Variants in TAX1BP1 observed in about 807,000 individuals in gnomAD.
TAX1BP1 encodes the protein tax1-binding protein 1.
TAX1BP1 carries 62 observed loss-of-function variants against 97.7 expected under a neutral mutation model. The observed-to-expected ratio is 0.63, with a 90% CI of 0.52 to 0.78. The LOEUF (loss-of-function observed/expected upper bound fraction) is 0.78, where lower values mean the gene tolerates loss of function less well. TAX1BP1 is among the 30% of genes least tolerant of loss of function. The probability of loss-of-function intolerance (pLI) is 0.00; values close to 1 mark genes in which losing one functional copy is unlikely to be tolerated. For missense variants in TAX1BP1, 867 were observed against 916.1 expected (o/e 0.95, Z 0.69); for synonymous variants, 340 against 304.2 (o/e 1.12, Z -1.23).
intron 7 of TAX1BP1, among the ~76,000 whole-genome samples, chr7:27,787,166 C>G (rs370579853): frequency 3.4e-4 from 52 of 152,204 alleles, no homozygotes; most frequent in Middle Eastern, 3.4e-3. Context: ...AAGGAAAAGA[C>G]TTTAGAGATC....
At chr7:27,776,639 T>A (rs958570470) in intron 5 of TAX1BP1, among the ~76,000 whole-genome samples, 6 of 151,994 alleles carry the variant, frequency 3.9e-5, no homozygotes, top group African/African-American at 7.2e-5. Context: ...TTTTTATGCT[T>A]GGGGTTCAGT....
At chr7:27,740,824 G>C (rs375029819) in intron 1 of TAX1BP1, among the ~76,000 whole-genome samples, 38 of 152,310 alleles carry the variant, frequency 2.5e-4, no homozygotes, top group African/African-American at 8.7e-4. Flanking sequence ...GCCTACTTTT[G>C]AGGGCCGCGG....
rs942740473 is a variant in TAX1BP1, at chr7:27,783,488, CT to C, written c.613-1672del. On this transcript the variant is annotated intron_variant, in intron 5 of 16. Transcript: ENST00000396319. The stretch of plus-strand genomic sequence containing the variant: ...TGTATGCTGGGAAGCTATCAGGTGC[CT>C]TTATGGGCACCAGAGAAAGTCTAAG... 5.3e-5 allele frequency among the ~76,000 whole-genome samples: 8 copies of C among 152,262 alleles called. 1 individual carries two copies. In the Middle Eastern group the frequency reaches 0.01, roughly 194 times the overall value.
At position 27,742,285 on chromosome 7, in the gene TAX1BP1, A is replaced by G. The variant is rs1293156957; in HGVS notation, c.-8+2016A>G. ...ACTATCACATGGGGAGAAACCTTGG[A>G]CAATACCTGGCTTTCCTAGGCAGAG... On this transcript the variant is annotated intron_variant, in intron 1 of 16. Coordinates refer to ENST00000396319, the MANE Select transcript of TAX1BP1 (RefSeq NM_006024.7). Among the ~76,000 whole-genome samples the G allele has an allele frequency of 2.0e-5, 3 of 152,282 alleles. No individual in the cohort carries two copies. The East Asian group carries it at 5.8e-4, about 29-fold the overall frequency.
chr7:27,789,688 A>G (rs772917414), intron 8 of TAX1BP1, among the ~76,000 whole-genome samples: 2 of 151,048 alleles, frequency 1.3e-5, no homozygotes, highest in Non-Finnish European at 3.0e-5. Context: ...ATATAGATTT[A>G]CCTTGATTGA....
intron 13 of TAX1BP1, among the ~76,000 whole-genome samples, chr7:27,810,371 T>G (rs1017148344): frequency 2.6e-5 from 4 of 152,174 alleles, no homozygotes; most frequent in Admixed American, 2.0e-4. Flanking sequence ...GTTCTAAATG[T>G]ATCTCCTATT....
At chr7:27,790,161 A>G (rs1789651429) in intron 8 of TAX1BP1, among the ~76,000 whole-genome samples, 1 of 151,994 alleles carries the variant, frequency 6.6e-6, no homozygotes, top group African/African-American at 2.4e-5. Context: ...TAGAATTTAT[A>G]CATTTTTTCC....
At chr7:27,813,600 T>G (rs1236880912) in intron 13 of TAX1BP1, among the ~76,000 whole-genome samples, 2 of 152,136 alleles carry the variant, frequency 1.3e-5, no homozygotes, top group Non-Finnish European at 2.9e-5. Context: ...GCCTCACAAG[T>G]GCTGGGATTA....
Position 27,758,172 on chromosome 7 carries a change from G to T in TAX1BP1, c.265+39G>T, listed in dbSNP as rs546930636. 8 of 1,462,594 alleles carry T rather than the reference G, an allele frequency of 5.5e-6. No individual in the cohort carries two copies. In the South Asian group the frequency reaches 9.4e-5, roughly 17 times the overall value. 90.6% of individuals were successfully genotyped at this position (1,462,594 alleles called of 1,614,324 possible). On this transcript the variant is annotated intron_variant, in intron 3 of 16. Coordinates refer to ENST00000396319, the MANE Select transcript of TAX1BP1 (RefSeq NM_006024.7). ...ACTGCAGAACTCAATGAAACTAGAT[G>T]TCTTATTGCCATTAAAGATGTTGTA...
Position 27,787,448 on chromosome 7 carries a change from AC to A in TAX1BP1, c.885del (p.Lys296SerfsTer9). Reference protein sequence around the residue: ...VHLKNTEIENTKLMSEVQTLK... With the variant: ...VHLKNTEIENXKLMSEVQTLK... ...TTTGAAGAATACAGAAATAGAAAAT[AC>A]CAAGCTTATGTCAGAGGTCCAGACT... On this transcript the variant is annotated frameshift_variant, in exon 8 of 17. Transcript: ENST00000396319. LOFTEE classifies it high-confidence loss of function. 6.2e-7 allele frequency: 1 copy of A among 1,610,384 alleles called. No individual in the cohort carries two copies. Among genetic ancestry groups the A allele is most frequent in the Non-Finnish European group, 8.5e-7 (1 of 1,178,780 alleles).
intron 11 of TAX1BP1, among the ~76,000 whole-genome samples, chr7:27,795,243 C>T (rs955315059): frequency 2.0e-5 from 3 of 151,870 alleles, no homozygotes; most frequent in African/African-American, 7.3e-5. Context: ...CTCTGTAGTA[C>T]CTAAAATGGT....
intron 13 of TAX1BP1, among the ~76,000 whole-genome samples, chr7:27,811,829 C>T (rs1393890036): frequency 6.6e-6 from 1 of 152,148 alleles, no homozygotes; most frequent in Non-Finnish European, 1.5e-5. Context: ...TTTATGGCTT[C>T]TAGCATTTCA....
chr7:27,743,699 T>C (rs1199002538), intron 1 of TAX1BP1, among the ~76,000 whole-genome samples: 2 of 152,272 alleles, frequency 1.3e-5, no homozygotes, highest in Non-Finnish European at 2.9e-5. Flanking sequence ...ATTAATTTTT[T>C]CCCCTGGAGT....
intron 2 of TAX1BP1, among the ~76,000 whole-genome samples, chr7:27,753,057 T>C (rs1230366465): frequency 6.6e-6 from 1 of 151,962 alleles, no homozygotes; most frequent in Non-Finnish European, 1.5e-5. Flanking sequence ...CCCAGCACTT[T>C]GGGAGGCTGA....
At position 27,748,656 on chromosome 7, in the gene TAX1BP1, A is replaced by C. The variant is rs747111543; in HGVS notation, c.132A>C (p.Pro44=). The C allele has an allele frequency of 5.8e-6, 9 of 1,563,650 alleles. No homozygotes were observed. In the Admixed American group the frequency reaches 1.4e-4, roughly 25 times the overall value. The change falls in exon 2 of 17, where the codon CCA becomes CCC. Residue 44 remains proline (P), a synonymous_variant. Transcript: ENST00000396319. ...CHYTLTPYIH[P]HPKDWVGIFK... ...ACACCTTAACTCCATATATTCATCCACATCCAAAAGATTGGGTTGGTATAT... is the reference window on the plus strand; with the variant it reads ...ACACCTTAACTCCATATATTCATCCCCATCCAAAAGATTGGGTTGGTATAT...
chr7:27,824,549 CA>C (rs34757943), intron 15 of TAX1BP1, among the ~76,000 whole-genome samples: 15,242 of 91,246 alleles, frequency 0.17, 671 homozygotes, highest in African/African-American at 0.3. Context: ...GACCTTGTCT[CA>C]AAAAAAAAAA....
intron 11 of TAX1BP1, among the ~76,000 whole-genome samples, chr7:27,795,483 C>A (rs566490140): frequency 1.3e-5 from 2 of 152,174 alleles, no homozygotes; most frequent in African/African-American, 2.4e-5. Context: ...GGTTTTCCTA[C>A]TTACCCTGTC....
chr7:27,804,145 A>G (rs1321853036), intron 13 of TAX1BP1, among the ~76,000 whole-genome samples: 2 of 152,168 alleles, frequency 1.3e-5, no homozygotes, highest in Non-Finnish European at 2.9e-5. Context: ...TAATATTTAG[A>G]CTGTATTTTT....
intron 5 of TAX1BP1, among the ~76,000 whole-genome samples, chr7:27,778,952 TATC>T (rs973206045): frequency 3.3e-5 from 5 of 152,158 alleles, no homozygotes; most frequent in African/African-American, 1.2e-4. Flanking sequence ...GGATGTTTTT[TATC>T]ATCCTGCAAA....
Sources: allele counts gnomAD v4.1 joint callset (sites outside exome capture counted in the v4.1 genomes callset), GRCh38; gene constraint gnomAD v4.1.1; transcripts MANE v1.5; gene names NCBI Gene and HGNC (gene_info 2026-07-23, HGNC 2026-07-21).